The following CCSER1 variants were observed in gnomAD, a reference collection of about 807,000 sequenced individuals.
CCSER1 encodes the protein coiled-coil serine rich protein 1.
In CCSER1, 41 loss-of-function variants were observed where a neutral mutation model predicts 82.0. The ratio of observed to expected loss-of-function variants is 0.50; its 90% CI spans 0.39 to 0.65. The LOEUF (loss-of-function observed/expected upper bound fraction) is 0.65, where lower values mean the gene tolerates loss of function less well. Among genes scored for constraint, CCSER1 ranks in the 30% least tolerant of loss-of-function variants. The pLI is 0.00. For synonymous variants in CCSER1, 414 were observed against 383.9 expected (o/e 1.08, Z -0.92); for missense variants, 1,119 against 1,064.2 (o/e 1.05, Z -0.72).
At chr4:90,819,071 A>G (rs2149780347) in intron 8 of CCSER1, among the ~76,000 whole-genome samples, 1 of 152,104 alleles carries the variant, frequency 6.6e-6, no homozygotes, top group East Asian at 1.9e-4. Context: ...GAGTGTTGGG[A>G]TTGTGGTGAG....
At chr4:90,448,790 T>G (rs963444238) in intron 4 of CCSER1, among the ~76,000 whole-genome samples, 2 of 152,030 alleles carry the variant, frequency 1.3e-5, no homozygotes, top group East Asian at 3.9e-4. Context: ...AGCTCTTCTC[T>G]CCTTCTCTCT....
intron 3 of CCSER1, among the ~76,000 whole-genome samples, chr4:90,367,407 A>G (rs1401510254): frequency 2.0e-5 from 3 of 151,872 alleles, no homozygotes; most frequent in African/African-American, 7.2e-5. Flanking sequence ...TAATAATAAT[A>G]ACATTTTCCT....
intron 10 of CCSER1, among the ~76,000 whole-genome samples, chr4:91,390,469 G>A (rs1374598016): frequency 6.6e-6 from 1 of 151,808 alleles, no homozygotes; most frequent in Admixed American, 6.6e-5. Context: ...TTGTGTATGT[G>A]TTAAAGAAAG....
chr4:90,260,659 A>G (rs1724152404), intron 1 of CCSER1, among the ~76,000 whole-genome samples: 1 of 152,138 alleles, frequency 6.6e-6, no homozygotes, highest in African/African-American at 2.4e-5. Flanking sequence ...TATGTGTAAG[A>G]TGAGTCTGTT....
At chr4:90,501,830 C>T (rs1438978899) in intron 5 of CCSER1, among the ~76,000 whole-genome samples, 2 of 151,902 alleles carry the variant, frequency 1.3e-5, no homozygotes, top group Non-Finnish European at 2.9e-5. Flanking sequence ...GTATTGTATA[C>T]CTTGTTAATT....
chr4:90,955,632 C>A (rs1012888175), intron 9 of CCSER1, among the ~76,000 whole-genome samples: 5 of 152,058 alleles, frequency 3.3e-5, no homozygotes, highest in African/African-American at 1.2e-4. Context: ...AATCTAAAAC[C>A]CTTACTCTGA....
At position 90,932,919 on chromosome 4, in the gene CCSER1, A is replaced by T. The variant is rs1247224164; in HGVS notation, c.2172+9472A>T. Among the ~76,000 whole-genome samples the T allele has an allele frequency of 9.0e-5, 2 of 22,300 alleles. 1 individual carries two copies. The highest frequency in any genetic ancestry group is 1.5e-4 in the Non-Finnish European group (2 of 12,924). The allele number at this position is 22,300 out of a possible 152,430, so 14.6% of individuals were successfully genotyped here. A position where few individuals can be genotyped will look rare whatever the true frequency, so the allele number is the denominator to read the frequency against. ...GAAGGAGAAAGAAGGAGAAAGAAAG[A>T]AAGAAAGAAAGAAAGAAAGAAAGAA... On this transcript the variant is annotated intron_variant, in intron 9 of 10. Transcript: ENST00000509176.
At chr4:91,184,517 T>A (rs2149036431) in intron 10 of CCSER1, among the ~76,000 whole-genome samples, 1 of 152,356 alleles carries the variant, frequency 6.6e-6, no homozygotes, top group East Asian at 1.9e-4. Flanking sequence ...TTACTTGATT[T>A]TTCTTAGGAA....
In CCSER1 at chr4:90,592,661, CCCCATATGCTT is replaced by C. The variant is rs373552088; in HGVS notation, c.1725-35362_1725-35352del. Among the ~76,000 whole-genome samples the C allele has an allele frequency of 1.5e-3, 222 of 152,238 alleles. 1 individual carries two copies. Among genetic ancestry groups the C allele is most frequent in the Middle Eastern group, 6.8e-3 (2 of 294 alleles). On this transcript the variant is annotated intron_variant, in intron 5 of 10. Coordinates refer to ENST00000509176, the MANE Select transcript of CCSER1 (RefSeq NM_001145065.2). ...TGGTGATTAATTGCCTAATTACTTG[CCCCATATGCTT>C]CTCATTATTTTGTGTTGTATTAGCT...
At chr4:90,420,076 C>A (rs540680096) in intron 4 of CCSER1, among the ~76,000 whole-genome samples, 14 of 151,984 alleles carry the variant, frequency 9.2e-5, no homozygotes, top group Non-Finnish European at 1.8e-4. Flanking sequence ...GTATGGGGAC[C>A]ATGATATTCC....
At chr4:90,318,015 T>A (rs1736479914) in intron 3 of CCSER1, among the ~76,000 whole-genome samples, 1 of 152,166 alleles carries the variant, frequency 6.6e-6, no homozygotes. Context: ...TATTCCCAAA[T>A]ATTTTGTTGT....
chr4:91,350,908 ATAT>A (rs1216007561), intron 10 of CCSER1, among the ~76,000 whole-genome samples: 2 of 152,034 alleles, frequency 1.3e-5, no homozygotes, highest in Admixed American at 1.3e-4. Flanking sequence ...GTCTTAAAAC[ATAT>A]TATTATTTTA....
intron 10 of CCSER1, among the ~76,000 whole-genome samples, chr4:91,275,160 AT>A (rs1742323803): frequency 6.6e-6 from 1 of 151,834 alleles, no homozygotes. Context: ...CCAGTAGGGG[AT>A]TGCTGCATCA....
At chr4:90,695,050 A>ATT (rs911546250) in intron 6 of CCSER1, among the ~76,000 whole-genome samples, 1 of 147,880 alleles carries the variant, frequency 6.8e-6, no homozygotes, top group African/African-American at 2.5e-5. Flanking sequence ...ATATGTATAT[A>ATT]TATTTATTTA....
intron 5 of CCSER1, among the ~76,000 whole-genome samples, chr4:90,505,022 T>A (rs371185456): frequency 5.3e-4 from 81 of 152,254 alleles, no homozygotes; most frequent in African/African-American, 1.9e-3. Context: ...ACAACATGAT[T>A]TTGGCATTGC....
chr4:91,023,842 G>T (rs1740239214), intron 9 of CCSER1, among the ~76,000 whole-genome samples: 1 of 152,172 alleles, frequency 6.6e-6, no homozygotes, highest in Admixed American at 6.6e-5. Flanking sequence ...TTCTCAGAGT[G>T]TGACCCACAA....
At chr4:91,310,581 T>C (rs74505958) in intron 10 of CCSER1, among the ~76,000 whole-genome samples, 2,588 of 151,926 alleles carry the variant, frequency 0.017, 69 homozygotes, top group African/African-American at 0.059. Flanking sequence ...CTCACTTCCC[T>C]CTGAATTCCA....
intron 5 of CCSER1, among the ~76,000 whole-genome samples, chr4:90,477,971 A>G (rs1460120595): frequency 6.6e-6 from 1 of 152,184 alleles, no homozygotes; most frequent in Non-Finnish European, 1.5e-5. Flanking sequence ...TGTCATCAGT[A>G]TTGAAAAGAA....
intron 10 of CCSER1, among the ~76,000 whole-genome samples, chr4:91,164,779 A>G (rs998425439): frequency 4.6e-5 from 7 of 152,090 alleles, no homozygotes; most frequent in African/African-American, 9.7e-5. Context: ...TTTCAGCTCC[A>G]TCAGGTCATT....
Sources: allele counts gnomAD v4.1 joint callset (sites outside exome capture counted in the v4.1 genomes callset), GRCh38; gene constraint gnomAD v4.1.1; transcripts MANE v1.5; gene names NCBI Gene and HGNC (gene_info 2026-07-23, HGNC 2026-07-21).